COG5: variants seen among roughly 807,000 people sequenced by gnomAD.
COG5 encodes component of oligomeric golgi complex 5.
Under a neutral mutation model 110.4 loss-of-function variants are expected in COG5, and 86 were observed. The observed-to-expected ratio is 0.78, with a 90% CI of 0.65 to 0.93. COG5 has a LOEUF of 0.93. Among genes scored for constraint, COG5 ranks in the 40% least tolerant of loss-of-function variants. The pLI is 0.00. For missense variants in COG5, 1,077 were observed against 987.0 expected, an observed-to-expected ratio of 1.09 and a Z score of -1.22; for synonymous variants, 360 against 334.6, an observed-to-expected ratio of 1.08 and a Z score of -0.83.
intron 14 of COG5, among the ~76,000 whole-genome samples, chr7:107,264,132 G>A (rs991231621): frequency 3.9e-5 from 6 of 152,050 alleles, no homozygotes. Flanking sequence ...GTCTATTTAT[G>A]CCCACTCCCA....
chr7:107,333,489 G>C (rs1334643178), intron 10 of COG5, among the ~76,000 whole-genome samples: 3 of 152,012 alleles, frequency 2.0e-5, no homozygotes, highest in Non-Finnish European at 4.4e-5. Context: ...CATGTACACT[G>C]TTCAGAGAGA....
In COG5 at chr7:107,516,701, T is replaced by C. The variant is rs575517143; in HGVS notation, c.538+10536A>G. Among the ~76,000 whole-genome samples the C allele has an allele frequency of 2.6e-5, 4 of 152,248 alleles. No individual in the cohort carries two copies. In the East Asian group the frequency reaches 7.7e-4, roughly 29 times the overall value. On this transcript the variant is annotated intron_variant, in intron 6 of 21. Transcript: ENST00000297135. The stretch of plus-strand genomic sequence containing the variant: ...ATCTTTTCTGTTCTGCAGCCTCCAC[T>C]GGTGATACCCAGGTGAACAGGGTCT...
intron 6 of COG5, among the ~76,000 whole-genome samples, chr7:107,449,772 C>T (rs530734090): frequency 5.7e-4 from 87 of 152,086 alleles, no homozygotes; most frequent in Non-Finnish European, 7.4e-4. Flanking sequence ...GCATAAGGAC[C>T]ACTGTAAAAA....
intron 19 of COG5, among the ~76,000 whole-genome samples, chr7:107,222,070 A>G (rs891493003): frequency 2.0e-5 from 3 of 152,190 alleles, no homozygotes; most frequent in East Asian, 3.9e-4. Context: ...CAACCTGAAC[A>G]GTACATGCGC....
chr7:107,383,208 C>A (rs1251933305), intron 7 of COG5, among the ~76,000 whole-genome samples: 1 of 152,140 alleles, frequency 6.6e-6, no homozygotes, highest in African/African-American at 2.4e-5. Context: ...CTCAATTACA[C>A]AGTTTCACCT....
At chr7:107,250,861 A>G (rs1802450130) in intron 16 of COG5, among the ~76,000 whole-genome samples, 1 of 152,090 alleles carries the variant, frequency 6.6e-6, no homozygotes, top group Admixed American at 6.6e-5. Flanking sequence ...ATACTAAAAA[A>G]TAATTAAACC....
At chr7:107,279,950 A>G (rs866848673) in intron 14 of COG5, among the ~76,000 whole-genome samples, 4 of 152,116 alleles carry the variant, frequency 2.6e-5, no homozygotes, top group South Asian at 4.1e-4. Flanking sequence ...ACTGAAGTAC[A>G]TATTACCATT....
chr7:107,328,415 C>T (rs1809953330), intron 10 of COG5, among the ~76,000 whole-genome samples: 1 of 152,138 alleles, frequency 6.6e-6, no homozygotes, highest in Non-Finnish European at 1.5e-5. Flanking sequence ...TATGACTGTA[C>T]TTACAATAGA....
intron 14 of COG5, among the ~76,000 whole-genome samples, chr7:107,266,468 C>T (rs1803812296): frequency 6.6e-6 from 1 of 152,100 alleles, no homozygotes; most frequent in Middle Eastern, 3.2e-3. Context: ...GTGACTTCAT[C>T]CAAGCTTAGC....
At chr7:107,414,509 A>G (rs1359182124) in intron 6 of COG5, among the ~76,000 whole-genome samples, 1 of 152,084 alleles carries the variant, frequency 6.6e-6, no homozygotes, top group East Asian at 1.9e-4. Flanking sequence ...AGGGAATTCA[A>G]GCACATCAGT....
Position 107,348,296 on chromosome 7 carries a change from C to T in COG5, c.1026+13737G>A, listed in dbSNP as rs569302021. On this transcript the variant is annotated intron_variant, in intron 10 of 21. Transcript: ENST00000297135. ...AATTTTCCTTTCTTGTAACCCTAAA[C>T]TGGTCTTGTTACAGAGGTCATACTA... Among the ~76,000 whole-genome samples, 8 of 151,890 alleles carry T rather than the reference C, an allele frequency of 5.3e-5. No individual in the cohort carries two copies. In the South Asian group the frequency reaches 6.2e-4, roughly 12 times the overall value.
At chr7:107,499,804 T>A (rs1327318484) in intron 6 of COG5, among the ~76,000 whole-genome samples, 1 of 152,130 alleles carries the variant, frequency 6.6e-6, no homozygotes, top group East Asian at 1.9e-4. Context: ...ATTTCAAAGT[T>A]TAGAAGTAGG....
intron 8 of COG5, among the ~76,000 whole-genome samples, chr7:107,365,790 C>T (rs1361905971): frequency 6.6e-6 from 1 of 151,880 alleles, no homozygotes; most frequent in Non-Finnish European, 1.5e-5. Context: ...GGTAGCCATA[C>T]TAAGCTTCTG....
intron 14 of COG5, among the ~76,000 whole-genome samples, chr7:107,278,986 C>T (rs992783336): frequency 5.9e-5 from 9 of 152,130 alleles, no homozygotes; most frequent in African/African-American, 2.2e-4. Context: ...AAACTATCAT[C>T]GGAGTGCACA....
intron 6 of COG5, among the ~76,000 whole-genome samples, chr7:107,461,797 A>ATGTTATGAGTTGGTAGTTATGTT (rs1796004922): frequency 6.6e-6 from 1 of 152,220 alleles, no homozygotes. Flanking sequence ...TAGTATCAAA[A>ATGTTATGAGTTGGTAGTTATGTT]ATGTTATGAG....
chr7:107,400,142 C>T (rs1480741461), intron 7 of COG5, among the ~76,000 whole-genome samples: 1 of 151,814 alleles, frequency 6.6e-6, no homozygotes, highest in African/African-American at 2.4e-5. Context: ...TTACAATAGT[C>T]TTAAAGTAGA....
At chr7:107,520,764 T>G (rs1563080285) in intron 6 of COG5, among the ~76,000 whole-genome samples, 2 of 152,162 alleles carry the variant, frequency 1.3e-5, no homozygotes, top group African/African-American at 4.8e-5. Context: ...AAACTACCAT[T>G]AACATTCTTC....
chr7:107,423,569 G>A (rs1793440155), intron 6 of COG5, among the ~76,000 whole-genome samples: 1 of 151,564 alleles, frequency 6.6e-6, no homozygotes. Context: ...AACAAAGAAT[G>A]CTACAGAACA....
At chr7:107,563,574 G>T in intron 1 of COG5, 1 of 548,570 alleles carries the variant, frequency 1.8e-6, no homozygotes, top group Non-Finnish European at 3.3e-6. Flanking sequence ...TTGAAATGAG[G>T]AACACACAGA....
Sources: allele counts gnomAD v4.1 joint callset (sites outside exome capture counted in the v4.1 genomes callset), GRCh38; gene constraint gnomAD v4.1.1; transcripts MANE v1.5; gene names NCBI Gene and HGNC (gene_info 2026-07-23, HGNC 2026-07-21).